EPAS1: variants seen among roughly 807,000 people sequenced by gnomAD.
EPAS1 encodes the protein endothelial PAS domain-containing protein 1.
EPAS1 carries 23 observed loss-of-function variants against 87.9 expected under a neutral mutation model. The observed-to-expected ratio is 0.26, with a 90% CI of 0.19 to 0.37. EPAS1 has a LOEUF of 0.37. Among genes scored for constraint, EPAS1 ranks in the 10% least tolerant of loss-of-function variants. The probability of loss-of-function intolerance (pLI) is 1.00; values close to 1 mark genes in which losing one functional copy is unlikely to be tolerated. For synonymous variants in EPAS1, 508 were observed against 444.3 expected (o/e 1.14, Z -1.80); for missense variants, 1,138 against 1,120.7 (o/e 1.02, Z -0.22).
At chr2:46,298,345 C>T (rs896162716) in intron 1 of EPAS1, among the ~76,000 whole-genome samples, 21 of 152,262 alleles carry the variant, frequency 1.4e-4, no homozygotes, top group Admixed American at 1.3e-3. Context: ...ATCCACGTCT[C>T]TATTTTTCTC....
intron 9 of EPAS1, among the ~76,000 whole-genome samples, chr2:46,377,478 T>A (rs1266317728): frequency 6.6e-6 from 1 of 152,188 alleles, no homozygotes; most frequent in South Asian, 2.1e-4. Flanking sequence ...CACGTGAGGA[T>A]TGCAGCTAAA....
chr2:46,337,243 C>T (rs1683812554), intron 1 of EPAS1, among the ~76,000 whole-genome samples: 1 of 152,188 alleles, frequency 6.6e-6, no homozygotes, highest in Admixed American at 6.5e-5. Context: ...GAAGTGAAAT[C>T]AAGGAGAGCA....
In EPAS1 at chr2:46,382,439, A is replaced by T; in HGVS notation, c.2302A>T (p.Asn768Tyr). 6.2e-7 allele frequency: 1 copy of T among 1,613,864 alleles called. No individual in the cohort carries two copies. The highest frequency in any genetic ancestry group is 8.5e-7 in the Non-Finnish European group (1 of 1,179,972). The change falls in exon 15 of 16, where the codon AAC becomes TAC. Residue 768 changes from asparagine (N) to tyrosine (Y), a missense_variant. Transcript: ENST00000263734. ...ANVPNDKFTQ[N>Y]PMRGLGHPLR... The stretch of plus-strand genomic sequence containing the variant: ...TGGTCTTTCAGATAAGTTCACCCAA[A>T]ACCCCATGAGGGGCCTGGGCCATCC...
rs188157162 is a variant in EPAS1 at position 46,347,847 on chromosome 2, G to A, written c.217+784G>A. 1.2e-4 allele frequency among the ~76,000 whole-genome samples: 18 copies of A among 152,292 alleles called. No homozygotes were observed. Among genetic ancestry groups the A allele is most frequent in the Middle Eastern group, 3.4e-3 (1 of 294 alleles). The stretch of plus-strand genomic sequence containing the variant: ...GTTTCAGATCCTAGGTGACATTCTC[G>A]TCAGGGGTGTCAGTTCTGTAAGGAC... On this transcript the variant is annotated intron_variant, in intron 2 of 15. Coordinates refer to ENST00000263734, the MANE Select transcript of EPAS1 (RefSeq NM_001430.5). This position sits in a 1 kb window ranked among gnomAD's most constrained non-coding sequence, Gnocchi z 4.2.
intron 9 of EPAS1, 78 bp from the exon 10 acceptor site, chr2:46,377,816 G>A: frequency 6.4e-7 from 1 of 1,551,068 alleles, no homozygotes; most frequent in South Asian, 1.2e-5. Flanking sequence ...GGCCTTCTCT[G>A]CGGTTTTTGG....
At chr2:46,374,084 T>C (rs968100509) in intron 7 of EPAS1, among the ~76,000 whole-genome samples, 2 of 152,244 alleles carry the variant, frequency 1.3e-5, no homozygotes, top group African/African-American at 4.8e-5. Context: ...TGCAAAGCAC[T>C]ATACAAATGT....
intron 1 of EPAS1, among the ~76,000 whole-genome samples, chr2:46,344,083 G>A (rs932267284): frequency 2.0e-4 from 30 of 152,198 alleles, no homozygotes; most frequent in African/African-American, 5.1e-4. Context: ...ATTTCTGAGC[G>A]TCAGTTTCCA....
rs1417320391 is a variant in EPAS1, at chr2:46,380,721, A to C, written c.2045+4A>C. The C allele has an allele frequency of 6.2e-7, 1 of 1,609,284 alleles. No individual in the cohort carries two copies. Among genetic ancestry groups the C allele is most frequent in the Non-Finnish European group, 8.5e-7 (1 of 1,179,976 alleles). The stretch of plus-strand genomic sequence containing the variant: ...ATGTCTCCACCTTCAAGACAAGGTA[A>C]GTGGCAGATACTCAGCTGTACCAGC... On this transcript the variant is annotated splice_donor_region_variant and intron_variant, in intron 12 of 15. Transcript: ENST00000263734. The surrounding 1 kb of genome is among the most constrained non-coding windows in gnomAD (Gnocchi z 4.4).
At chr2:46,369,098 T>C (rs919814939) in intron 6 of EPAS1, among the ~76,000 whole-genome samples, 4 of 152,162 alleles carry the variant, frequency 2.6e-5, no homozygotes, top group African/African-American at 9.7e-5. Context: ...AGCTGCCTAT[T>C]AGAGTATAAT....
intron 1 of EPAS1, among the ~76,000 whole-genome samples, chr2:46,303,714 C>A (rs769095149): frequency 3.3e-5 from 5 of 152,196 alleles, no homozygotes; most frequent in African/African-American, 4.8e-5. Context: ...GAAGTCTGTT[C>A]AGCTCTCCAT....
chr2:46,376,302 G>A (rs1684746458), intron 8 of EPAS1, among the ~76,000 whole-genome samples: 1 of 152,134 alleles, frequency 6.6e-6, no homozygotes, highest in East Asian at 1.9e-4. Context: ...CCACTCAAGT[G>A]CAATAATATT....
intron 1 of EPAS1, among the ~76,000 whole-genome samples, chr2:46,336,150 C>G (rs1683787786): frequency 1.3e-5 from 2 of 152,174 alleles, no homozygotes; most frequent in African/African-American, 4.8e-5. Flanking sequence ...ATCACTTTTT[C>G]TTTCCTCCTT....
At chr2:46,299,806 T>C (rs899552369) in intron 1 of EPAS1, among the ~76,000 whole-genome samples, 1 of 152,176 alleles carries the variant, frequency 6.6e-6, no homozygotes, top group Non-Finnish European at 1.5e-5. Flanking sequence ...AGTACCTGGT[T>C]CGTTAGCGGA....
rs772594964 is a variant in EPAS1, at chr2:46,378,752, C to G, written c.1539C>G (p.Asp513Glu). 11 of 1,613,928 alleles carry G rather than the reference C, an allele frequency of 6.8e-6. No individual in the cohort carries two copies. Among genetic ancestry groups the G allele is most frequent in the Non-Finnish European group, 9.3e-6 (11 of 1,179,914 alleles). The stretch of plus-strand genomic sequence containing the variant: ...TCGCCATGGACACAGAGGCCAAGGA[C>G]CAATGCAGTACCCAGGTAGATGGCT... ...KLFAMDTEAK[D>E]QCSTQTDFNE... The change falls in exon 11 of 16, where the codon GAC (aspartate) becomes GAG (glutamate). Residue 513 changes from aspartate to glutamate, a missense_variant. By Grantham distance (45) the Asp-to-Glu change is conservative. Coordinates refer to ENST00000263734, the MANE Select transcript of EPAS1 (RefSeq NM_001430.5).
At chr2:46,341,300 G>A (rs1279762841) in intron 1 of EPAS1, among the ~76,000 whole-genome samples, 5 of 152,220 alleles carry the variant, frequency 3.3e-5, no homozygotes, top group East Asian at 1.9e-4. Context: ...GGTGACTAAC[G>A]GGGTGGGTAA....
At chr2:46,356,944 A>G (rs1684282590) in intron 4 of EPAS1, 136 bp downstream of exon 4, 1 of 698,452 alleles carries the variant, frequency 1.4e-6, no homozygotes, top group Non-Finnish European at 2.6e-6. Flanking sequence ...AAATTTAAGT[A>G]TGTAGCCTGT....
At chr2:46,319,515 T>G (rs1412012815) in intron 1 of EPAS1, among the ~76,000 whole-genome samples, 1 of 152,266 alleles carries the variant, frequency 6.6e-6, no homozygotes, top group East Asian at 1.9e-4. Flanking sequence ...GTTGGAAGAT[T>G]ATTTTAAAAA....
Position 46,380,707 on chromosome 2 carries a change from T to A in EPAS1, c.2035T>A (p.Phe679Ile). Reference sequence around the variant, plus strand: ...TGTCTCTCCACCCCATGTCTCCACCTTCAAGACAAGGTAAGTGGCAGATAC... The same window carrying A: ...TGTCTCTCCACCCCATGTCTCCACCATCAAGACAAGGTAAGTGGCAGATAC... ...PPVSPPHVSTFKTRSAKGFGA... is the reference protein window; with the variant it reads ...PPVSPPHVSTIKTRSAKGFGA... Residue 679 changes from phenylalanine to isoleucine, a missense_variant, in exon 12 of 16, where the codon TTC becomes ATC. Phe to Ile is a conservative substitution (Grantham distance 21, BLOSUM62 0). Coordinates refer to ENST00000263734, the MANE Select transcript of EPAS1 (RefSeq NM_001430.5). This position sits in a 1 kb window ranked among gnomAD's most constrained non-coding sequence, Gnocchi z 4.4. 1 of 1,611,696 alleles carries A rather than the reference T, an allele frequency of 6.2e-7. No homozygotes were observed. The highest frequency in any genetic ancestry group is 1.7e-5 in the Admixed American group (1 of 60,016).
chr2:46,363,221 T>G (rs896647846), intron 6 of EPAS1, among the ~76,000 whole-genome samples: 38 of 152,268 alleles, frequency 2.5e-4, no homozygotes, highest in African/African-American at 8.7e-4. Context: ...TCACTGGCTT[T>G]GAGGTGAAGT....
Sources: allele counts gnomAD v4.1 joint callset (sites outside exome capture counted in the v4.1 genomes callset), GRCh38; gene constraint gnomAD v4.1.1; non-coding constraint Gnocchi (gnomAD v3.1); transcripts MANE v1.5; gene names NCBI Gene and HGNC (gene_info 2026-07-23, HGNC 2026-07-21).